Variants in EIF4E3 observed in about 807,000 individuals in gnomAD.
EIF4E3 encodes eukaryotic translation initiation factor 4E type 3.
In EIF4E3, 26 loss-of-function variants were observed where a neutral mutation model predicts 31.7. That is an observed-to-expected ratio of 0.82 (90% confidence interval 0.60 to 1.14). The LOEUF is 1.14. Among genes scored for constraint, EIF4E3 ranks in the 50% most tolerant of loss-of-function variants. The pLI is 0.00. For missense variants in EIF4E3, 304 were observed against 270.9 expected (o/e 1.12, Z -0.86); for synonymous variants, 128 against 107.7 (o/e 1.19, Z -1.17).
At chr3:71,705,093 C>G (rs1235582739) in intron 2 of EIF4E3, among the ~76,000 whole-genome samples, 1 of 152,180 alleles carries the variant, frequency 6.6e-6, no homozygotes, top group Non-Finnish European at 1.5e-5. Flanking sequence ...CTTTCCTCCT[C>G]TCTCCCCTCA....
Position 71,682,476 on chromosome 3 carries a change from A to G in EIF4E3, c.*2206T>C, listed in dbSNP as rs1415176710. On this transcript the variant is annotated 3_prime_UTR_variant, in exon 7 of 7. Coordinates refer to ENST00000425534, the MANE Select transcript of EIF4E3 (RefSeq NM_001134651.2). ...TAATGAGAGGTTTTTAAACTGATTAAATCAGCTTAGTTCATACAAAGTCTA... is the reference window on the plus strand; with the variant it reads ...TAATGAGAGGTTTTTAAACTGATTAGATCAGCTTAGTTCATACAAAGTCTA... 2 of 152,264 alleles carry G rather than the reference A, an allele frequency of 1.3e-5. No individual in the cohort carries two copies. The highest frequency in any genetic ancestry group is 2.9e-5 in the Non-Finnish European group (2 of 68,052). The allele number at this position is 152,264 out of a possible 1,614,324, so 9.4% of individuals were successfully genotyped here. A position where few individuals can be genotyped will look rare whatever the true frequency, so the allele number is the denominator to read the frequency against.
chr3:71,711,571 G>A (rs1035378197), intron 1 of EIF4E3, among the ~76,000 whole-genome samples: 1 of 152,226 alleles, frequency 6.6e-6, no homozygotes, highest in Non-Finnish European at 1.5e-5. Context: ...TGAGCTCAGA[G>A]GTGGAGGCAA....
Position 71,690,180 on chromosome 3 carries a change from G to GA in EIF4E3, c.473-16_473-15insT. 2 of 1,559,054 alleles carry GA rather than the reference G, an allele frequency of 1.3e-6. No individual in the cohort carries two copies. The highest frequency in any genetic ancestry group is 2.0e-5 in the Admixed American group (1 of 48,990). On this transcript the variant is annotated splice_polypyrimidine_tract_variant and intron_variant, in intron 5 of 6. Coordinates refer to ENST00000425534, the MANE Select transcript of EIF4E3 (RefSeq NM_001134651.2). The stretch of plus-strand genomic sequence containing the variant: ...TACTTCATCATCTGAGGGGAAGACA[G>GA]GAAAAAAAAAAAATGAGTGATACTT...
At chr3:71,693,767 C>A in intron 5 of EIF4E3, 108 bp downstream of exon 5, 1 of 1,102,074 alleles carries the variant, frequency 9.1e-7, no homozygotes, top group Non-Finnish European at 1.2e-6. Context: ...AAATAAACAA[C>A]TTCAAAACAT....
chr3:71,730,734 G>A (rs1283824343), intron 1 of EIF4E3, among the ~76,000 whole-genome samples: 1 of 140,822 alleles, frequency 7.1e-6, no homozygotes. Context: ...TATTATTATT[G>A]TTGTTGTTTT....
At chr3:71,673,053 C>G (rs1486446901), downstream of EIF4E3, among the ~76,000 whole-genome samples, 1 of 152,174 alleles carries the variant, frequency 6.6e-6, no homozygotes, top group East Asian at 1.9e-4. Flanking sequence ...CGGAAGGGGT[C>G]TCCAGCTGGG....
At chr3:71,665,808 C>A in the EIF4E3 span, among the ~76,000 whole-genome samples, 1 of 152,276 alleles carries the variant, frequency 6.6e-6, no homozygotes, top group East Asian at 1.9e-4. Context: ...CTGAAAACCA[C>A]ACAACTACAT....
At chr3:71,738,080 A>T (rs2049781831) in intron 1 of EIF4E3, among the ~76,000 whole-genome samples, 1 of 152,248 alleles carries the variant, frequency 6.6e-6, no homozygotes, top group Non-Finnish European at 1.5e-5. Context: ...TAGGGACCTC[A>T]GTAGTTAAAG....
chr3:71,681,162 G>C lies in EIF4E3; in HGVS notation c.*3520C>G, dbSNP rs1180023709. On this transcript the variant is annotated 3_prime_UTR_variant, in exon 7 of 7. Transcript: ENST00000425534. ...TAGCTTTGACACATTTTTATTAGGT[G>C]CATGAAAACTAAATGTCTTATTGCC... 1 of 152,158 alleles carries C rather than the reference G, an allele frequency of 6.6e-6. No homozygotes were observed. Among genetic ancestry groups the C allele is most frequent in the Non-Finnish European group, 1.5e-5 (1 of 68,030 alleles). 9.4% of individuals were successfully genotyped at this position (152,158 alleles called of 1,614,324 possible).
intron 1 of EIF4E3, among the ~76,000 whole-genome samples, chr3:71,713,718 T>C (rs1578363250): frequency 1.3e-5 from 2 of 152,126 alleles, no homozygotes; most frequent in Admixed American, 6.5e-5. Flanking sequence ...ATTACAGGAG[T>C]GAGCCATCAC....
At position 71,700,563 on chromosome 3, in the gene EIF4E3, G is replaced by A. The variant is rs180715959; in HGVS notation, c.250-855C>T. 1.2e-4 allele frequency among the ~76,000 whole-genome samples: 17 copies of A among 145,230 alleles called. No individual in the cohort carries two copies. The East Asian group carries it at 2.6e-3, about 23-fold the overall frequency. The stretch of plus-strand genomic sequence containing the variant: ...TGGGAGGCGGAGGTTGCAGTGAGCC[G>A]AGATCACACCATTGCACTCCAGCCT... On this transcript the variant is annotated intron_variant, in intron 2 of 6. Transcript: ENST00000425534.
intron 1 of EIF4E3, among the ~76,000 whole-genome samples, chr3:71,748,553 T>C (rs535041670): frequency 2.6e-5 from 4 of 152,244 alleles, no homozygotes; most frequent in South Asian, 4.1e-4. Flanking sequence ...CTGAGAAGAA[T>C]ACCTGTGGAT....
intron 1 of EIF4E3, among the ~76,000 whole-genome samples, chr3:71,743,007 T>C (rs2049835163): frequency 6.6e-6 from 1 of 152,164 alleles, no homozygotes; most frequent in Non-Finnish European, 1.5e-5. Context: ...TCCTCATCTA[T>C]AGGCGCCTAT....
Position 71,676,143 on chromosome 3 carries a change from T to C in EIF4E3, c.*8539A>G, listed in dbSNP as rs2048873764. The C allele has an allele frequency of 6.6e-6, 1 of 152,178 alleles. No individual in the cohort carries two copies. Among genetic ancestry groups the C allele is most frequent in the South Asian group, 2.1e-4 (1 of 4,824 alleles). The allele number at this position is 152,178 out of a possible 1,614,324, so 9.4% of individuals were successfully genotyped here. A position where few individuals can be genotyped will look rare whatever the true frequency, so the allele number is the denominator to read the frequency against. ...GCCCAGTTACTAACTTACGGGGGTA[T>C]CAATTGCTTATAGTGTGTCATTTTG... On this transcript the variant is annotated 3_prime_UTR_variant, in exon 7 of 7. Transcript: ENST00000425534.
chr3:71,684,764 G>T, intron 6 of EIF4E3, 36 bp from the exon 7 acceptor site: 1 of 1,609,214 alleles, frequency 6.2e-7, no homozygotes, highest in Non-Finnish European at 8.5e-7. Context: ...AGAAAAAAAG[G>T]AAAGAAAACT....
chr3:71,659,930 T>C, the EIF4E3 span, among the ~76,000 whole-genome samples: 2 of 152,280 alleles, frequency 1.3e-5, no homozygotes, highest in South Asian at 4.1e-4. Flanking sequence ...CTAGAAGTAA[T>C]CTAGGACTTT....
At position 71,684,569 on chromosome 3, in the gene EIF4E3, C is replaced by T; in HGVS notation, c.*113G>A. On this transcript the variant is annotated 3_prime_UTR_variant, in exon 7 of 7. Coordinates refer to ENST00000425534, the MANE Select transcript of EIF4E3 (RefSeq NM_001134651.2). ...TTGCCCATCTGCAAGGACAGAAACC[C>T]ACTCTAAATTGACCAGCATCGGCTT... is the stretch of plus-strand genomic sequence containing the variant. The T allele has an allele frequency of 1.5e-6, 2 of 1,291,308 alleles. No individual in the cohort carries two copies. Among genetic ancestry groups the T allele is most frequent in the Admixed American group, 3.8e-5 (2 of 52,854 alleles). 80.0% of individuals were successfully genotyped at this position (1,291,308 alleles called of 1,614,324 possible).
At chr3:71,712,910 T>G (rs2049404498) in intron 1 of EIF4E3, among the ~76,000 whole-genome samples, 1 of 148,056 alleles carries the variant, frequency 6.8e-6, no homozygotes, top group South Asian at 2.1e-4. Context: ...TCTTTTTAAA[T>G]GCCTCCGTCT....
chr3:71,662,340 C>T, the EIF4E3 span, among the ~76,000 whole-genome samples: 5 of 152,200 alleles, frequency 3.3e-5, no homozygotes, highest in South Asian at 2.1e-4. Context: ...ACCTTTCTCT[C>T]GGCCAACTCA....
Sources: gnomAD v4.1 joint callset for allele counts (sites outside exome capture counted in the v4.1 genomes callset) on GRCh38, gnomAD v4.1.1 for gene constraint, MANE v1.5 for transcripts, NCBI Gene and HGNC (gene_info 2026-07-23, HGNC 2026-07-21) for gene names.